CACNA1D: variants seen among roughly 807,000 people sequenced by gnomAD.
CACNA1D encodes the protein voltage-dependent L-type calcium channel subunit alpha-1D.
CACNA1D carries 55 observed loss-of-function variants against 257.1 expected under a neutral mutation model. The ratio of observed to expected loss-of-function variants is 0.21; its 90% confidence interval spans 0.17 to 0.27. The LOEUF (loss-of-function observed/expected upper bound fraction) is 0.27, where lower values mean the gene tolerates loss of function less well. Ranked by LOEUF, CACNA1D falls within the 10% of genes least tolerant of loss-of-function variation. The pLI is 1.00. For synonymous variants in CACNA1D, 980 were observed against 1,014.9 expected, an observed-to-expected ratio of 0.97 and a Z score of 0.65; for missense variants, 1,876 against 2,784.0, an observed-to-expected ratio of 0.67 and a Z score of 7.34.
intron 7 of CACNA1D, among the ~76,000 whole-genome samples, chr3:53,672,730 A>G (rs1025081438): frequency 1.4e-5 from 2 of 147,300 alleles, no homozygotes; most frequent in Non-Finnish European, 3.0e-5. Context: ...AAAATCTGCT[A>G]TTATTCGGCC....
intron 3 of CACNA1D, among the ~76,000 whole-genome samples, chr3:53,623,082 G>A (rs2093716211): frequency 6.6e-6 from 1 of 152,158 alleles, no homozygotes; most frequent in Admixed American, 6.5e-5. Flanking sequence ...TACTAGGGAC[G>A]GGGTTTCACC....
At chr3:53,573,288 C>A (rs1415482924) in intron 3 of CACNA1D, among the ~76,000 whole-genome samples, 1 of 152,200 alleles carries the variant, frequency 6.6e-6, no homozygotes, top group Non-Finnish European at 1.5e-5. Context: ...GTAGGAGCGT[C>A]CTTTTATTCC....
intron 3 of CACNA1D, among the ~76,000 whole-genome samples, chr3:53,625,915 A>T (rs1348630969): frequency 6.6e-6 from 1 of 152,176 alleles, no homozygotes; most frequent in Non-Finnish European, 1.5e-5. Context: ...ATGTGGTCCA[A>T]CTTTCTGCCT....
At chr3:53,684,808 G>C (rs948085155) in intron 8 of CACNA1D, among the ~76,000 whole-genome samples, 5 of 152,116 alleles carry the variant, frequency 3.3e-5, no homozygotes, top group Non-Finnish European at 7.4e-5. Flanking sequence ...GAGCTTCACT[G>C]TGATAAAGTT....
In CACNA1D at chr3:53,497,702, G is replaced by C. The variant is rs551451894; in HGVS notation, c.377+241G>C. Among the ~76,000 whole-genome samples, 13 of 152,304 alleles carry C rather than the reference G, an allele frequency of 8.5e-5. No homozygotes were observed. The South Asian group carries it at 2.5e-3, about 29-fold the overall frequency. On this transcript the variant is annotated intron_variant, in intron 2 of 47. Coordinates refer to ENST00000350061, the MANE Select transcript of CACNA1D (RefSeq NM_001128840.3). ...ATAGTAGTAGTAGTAGGGGGAGGGA[G>C]TGACAGCCTGAAACTTCACAGGGGC...
At chr3:53,715,603 ACTCCGCATGC>A (rs1428983416) in intron 9 of CACNA1D, among the ~76,000 whole-genome samples, 7 of 152,044 alleles carry the variant, frequency 4.6e-5, no homozygotes, top group African/African-American at 9.7e-5. Flanking sequence ...GGGACCCAGC[ACTCCGCATGC>A]CTCATCTCAT....
intron 3 of CACNA1D, among the ~76,000 whole-genome samples, chr3:53,542,206 T>TG (rs1559814958): frequency 9.2e-6 from 1 of 108,390 alleles, no homozygotes; most frequent in African/African-American, 6.6e-5. Flanking sequence ...AAAATGCAGG[T>TG]TTTTTTTTTT....
intron 42 of CACNA1D, 93 bp downstream of exon 42, chr3:53,801,518 C>T: frequency 2.0e-6 from 3 of 1,529,816 alleles, no homozygotes; most frequent in Non-Finnish European, 2.7e-6. Flanking sequence ...GCTCTGTGCT[C>T]TGGGGCATGG....
chr3:53,576,667 A>G (rs775405447), intron 3 of CACNA1D, among the ~76,000 whole-genome samples: 1 of 152,178 alleles, frequency 6.6e-6, no homozygotes, highest in Non-Finnish European at 1.5e-5. Context: ...GCCCTTATTC[A>G]TATGATTCTT....
At chr3:53,565,193 G>C (rs1238916717) in intron 3 of CACNA1D, among the ~76,000 whole-genome samples, 1 of 152,126 alleles carries the variant, frequency 6.6e-6, no homozygotes, top group East Asian at 1.9e-4. Context: ...GCACTGTACT[G>C]TATTAATTAG....
At chr3:53,596,720 C>A (rs991033887) in intron 3 of CACNA1D, among the ~76,000 whole-genome samples, 6 of 152,188 alleles carry the variant, frequency 3.9e-5, no homozygotes, top group African/African-American at 1.4e-4. Flanking sequence ...AGCCCTAGAG[C>A]CTCCAGAGGA....
intron 3 of CACNA1D, among the ~76,000 whole-genome samples, chr3:53,513,743 C>A (rs1482462104): frequency 6.6e-6 from 1 of 152,240 alleles, no homozygotes; most frequent in Non-Finnish European, 1.5e-5. Context: ...AGAGCAACTT[C>A]CAGTCCTGCA....
At chr3:53,574,772 C>T (rs112815408) in intron 3 of CACNA1D, among the ~76,000 whole-genome samples, 1 of 152,018 alleles carries the variant, frequency 6.6e-6, no homozygotes, top group Non-Finnish European at 1.5e-5. Context: ...ACACACACAC[C>T]CAACCTGCAG....
chr3:53,775,827 C>A, intron 34 of CACNA1D, 59 bp from the exon 35 acceptor site: 3 of 1,546,238 alleles, frequency 1.9e-6, no homozygotes, highest in Non-Finnish European at 2.7e-6. Context: ...CCCCTAAGAT[C>A]TAAGCTTCAA....
intron 3 of CACNA1D, among the ~76,000 whole-genome samples, chr3:53,632,608 A>G (rs1304105115): frequency 6.6e-6 from 1 of 152,204 alleles, no homozygotes; most frequent in Non-Finnish European, 1.5e-5. Flanking sequence ...CTCCCTCACT[A>G]AGCTTAATCA....
At chr3:53,635,313 C>T (rs2093869933) in intron 3 of CACNA1D, among the ~76,000 whole-genome samples, 1 of 152,170 alleles carries the variant, frequency 6.6e-6, no homozygotes, top group Non-Finnish European at 1.5e-5. Flanking sequence ...CTTCACATTC[C>T]TCACACTGCC....
chr3:53,749,114 G>T, intron 26 of CACNA1D, 154 bp from the exon 27 acceptor site: 5 of 708,438 alleles, frequency 7.1e-6, no homozygotes, highest in Non-Finnish European at 1.3e-5. Flanking sequence ...TGAGGCTGAT[G>T]GGAGAGACCT....
chr3:53,581,613 A>C (rs2093134442), intron 3 of CACNA1D, among the ~76,000 whole-genome samples: 1 of 152,318 alleles, frequency 6.6e-6, no homozygotes, highest in Middle Eastern at 3.4e-3. Flanking sequence ...TAAATACTTA[A>C]TGGCTTTCTG....
intron 1 of CACNA1D, 36 bp from the exon 2 acceptor site, chr3:53,497,116 A>T (rs775933698): frequency 8.9e-5 from 88 of 983,472 alleles, no homozygotes; most frequent in Admixed American, 2.5e-4. Context: ...ATCCTCATTT[A>T]AAAAAAAAAA....
Sources: allele counts gnomAD v4.1 joint callset (sites outside exome capture counted in the v4.1 genomes callset), GRCh38; gene constraint gnomAD v4.1.1; transcripts MANE v1.5; gene names NCBI Gene and HGNC (gene_info 2026-07-23, HGNC 2026-07-21).